Variants in PRKN observed in about 807,000 individuals in gnomAD.
PRKN encodes the protein E3 ubiquitin-protein ligase parkin.
PRKN carries 56 observed loss-of-function variants against 59.5 expected under a neutral mutation model. That is an observed-to-expected ratio of 0.94 (90% CI 0.76 to 1.18). The LOEUF (loss-of-function observed/expected upper bound fraction) is 1.18. PRKN is among the 50% of genes most tolerant of loss of function. The pLI is 0.00. For synonymous variants in PRKN, 250 were observed against 222.1 expected, an observed-to-expected ratio of 1.13 and a Z score of -1.12; for missense variants, 657 against 596.4, an observed-to-expected ratio of 1.10 and a Z score of -1.06.
chr6:161,744,387 A>G (rs1467656609), intron 7 of PRKN, among the ~76,000 whole-genome samples: 1 of 152,124 alleles, frequency 6.6e-6, no homozygotes, highest in Non-Finnish European at 1.5e-5. Flanking sequence ...CACATGGCAC[A>G]GAGAAGCAAC....
rs569796865 is a variant in PRKN, at chr6:162,715,814, C to T, written c.7+11848G>A. On this transcript the variant is annotated intron_variant, in intron 1 of 11. Transcript: ENST00000366898. ...CGTCAACTACTCATCCTTCCCAACACAGCCTCTGCTAACAAGCCTGCCATC... is the reference window on the plus strand; with the variant it reads ...CGTCAACTACTCATCCTTCCCAACATAGCCTCTGCTAACAAGCCTGCCATC... Among the ~76,000 whole-genome samples the T allele has an allele frequency of 7.2e-5, 11 of 152,320 alleles. No individual in the cohort carries two copies. In the East Asian group the frequency reaches 1.9e-3, roughly 27 times the overall value.
At position 162,692,871 on chromosome 6, in the gene PRKN, G is replaced by A. The variant is rs1485962302; in HGVS notation, c.7+34791C>T. 1.9e-4 allele frequency among the ~76,000 whole-genome samples: 29 copies of A among 151,940 alleles called. 1 individual carries two copies. Among genetic ancestry groups the A allele is most frequent in the Admixed American group, 1.9e-3 (29 of 15,254 alleles). ...CCTTTCAGCAAATCACTGAACCCGA[G>A]AGACAAACTAGATTCTTCCCATTGG... On this transcript the variant is annotated intron_variant, in intron 1 of 11. Coordinates refer to ENST00000366898, the MANE Select transcript of PRKN (RefSeq NM_004562.3).
intron 9 of PRKN, among the ~76,000 whole-genome samples, chr6:161,453,588 A>G: frequency 6.6e-6 from 1 of 152,178 alleles, no homozygotes. Context: ...AGATTACAAC[A>G]TCAGCTCCTG....
At position 161,362,962 on chromosome 6, in the gene PRKN, C is replaced by A. The variant is rs1342389074; in HGVS notation, c.1168-2757G>T. Among the ~76,000 whole-genome samples the A allele has an allele frequency of 2.0e-5, 3 of 152,188 alleles. No individual in the cohort carries two copies. The highest frequency in any genetic ancestry group is 4.4e-5 in the Non-Finnish European group (3 of 68,044). ...GGAATGGCCAGAGACAGAGTACTGG[C>A]CAGGCATGGTGGCTCACACCTGTAA... On this transcript the variant is annotated intron_variant, in intron 10 of 11. Coordinates refer to ENST00000366898, the MANE Select transcript of PRKN (RefSeq NM_004562.3). The surrounding 1 kb of genome is among the most constrained non-coding windows in gnomAD (Gnocchi z 5.2).
Position 161,566,779 on chromosome 6 carries a change from T to A in PRKN, c.933+2576A>T, listed in dbSNP as rs1385847659. Among the ~76,000 whole-genome samples, 1 of 152,024 alleles carries A rather than the reference T, an allele frequency of 6.6e-6. No individual in the cohort carries two copies. The highest frequency in any genetic ancestry group is 1.5e-5 in the Non-Finnish European group (1 of 67,972). On this transcript the variant is annotated intron_variant, in intron 8 of 11. Transcript: ENST00000366898. This position sits in a 1 kb window ranked among gnomAD's most constrained non-coding sequence, Gnocchi z 4.1. ...TCCTCTTTGTTTTGCTCTGTCCTCC[T>A]CCCCTCCCCTCCACCAGTCACACTT...
chr6:162,262,831 A>G, intron 2 of PRKN, 66 bp from the exon 3 acceptor site: 2 of 1,582,148 alleles, frequency 1.3e-6, no homozygotes, highest in South Asian at 1.1e-5. Flanking sequence ...AATGCGAGAT[A>G]GAGTTTAACT....
chr6:162,169,003 T>G (rs1783127547), intron 4 of PRKN, among the ~76,000 whole-genome samples: 2 of 152,204 alleles, frequency 1.3e-5, no homozygotes. Context: ...TTCCTAAATT[T>G]TATATCCTGC....
intron 1 of PRKN, among the ~76,000 whole-genome samples, chr6:162,712,237 G>A (rs180986638): frequency 6.6e-6 from 1 of 152,208 alleles, no homozygotes; most frequent in Non-Finnish European, 1.5e-5. Context: ...AGACTGCATT[G>A]TCCTGACTGC....
intron 1 of PRKN, among the ~76,000 whole-genome samples, chr6:162,540,910 A>T (rs59890627): frequency 0.087 from 13,230 of 152,114 alleles, 725 homozygotes; most frequent in South Asian, 0.18. Context: ...ACAGAAAACA[A>T]TCTCTAAAGT....
intron 1 of PRKN, among the ~76,000 whole-genome samples, chr6:162,665,981 G>A (rs1425605677): frequency 5.3e-5 from 8 of 152,010 alleles, no homozygotes; most frequent in African/African-American, 7.2e-5. Flanking sequence ...CGACATATGC[G>A]GAAAACTGAA....
At chr6:162,529,104 C>T (rs190558913) in intron 1 of PRKN, among the ~76,000 whole-genome samples, 16 of 152,220 alleles carry the variant, frequency 1.1e-4, no homozygotes, top group African/African-American at 3.9e-4. Context: ...GAATTCCTGT[C>T]CTCAAGCAAT....
At chr6:162,100,254 C>T (rs1779912315) in intron 4 of PRKN, among the ~76,000 whole-genome samples, 1 of 152,070 alleles carries the variant, frequency 6.6e-6, no homozygotes, top group Admixed American at 6.6e-5. Flanking sequence ...TGCAGACATC[C>T]CTTGACATGC....
intron 7 of PRKN, among the ~76,000 whole-genome samples, chr6:161,607,970 C>G (rs900406580): frequency 6.6e-6 from 1 of 152,160 alleles, no homozygotes; most frequent in Admixed American, 6.5e-5. Context: ...CTTCAACATT[C>G]TGAAAGAAAA....
At chr6:161,472,351 A>G (rs532720369) in intron 9 of PRKN, among the ~76,000 whole-genome samples, 2 of 152,302 alleles carry the variant, frequency 1.3e-5, no homozygotes, top group South Asian at 4.2e-4. Context: ...TCAGCTTGAA[A>G]AGAAAAATGG....
In PRKN at chr6:161,932,757, T is replaced by C. The variant is rs563279491; in HGVS notation, c.734+40545A>G. Among the ~76,000 whole-genome samples, 10 of 152,296 alleles carry C rather than the reference T, an allele frequency of 6.6e-5. 1 individual carries two copies. In the South Asian group the frequency reaches 1.0e-3, roughly 16 times the overall value. ...AAGTATCTTGCTGAAATAGCAATTA[T>C]AGTTATATAGATGGTTACAACTATA... On this transcript the variant is annotated intron_variant, in intron 6 of 11. Coordinates refer to ENST00000366898, the MANE Select transcript of PRKN (RefSeq NM_004562.3).
At position 161,388,904 on chromosome 6, in the gene PRKN, C is replaced by T. The variant is rs1027294056; in HGVS notation, c.1084-2027G>A. On this transcript the variant is annotated intron_variant, in intron 9 of 11. Transcript: ENST00000366898. The surrounding 1 kb of genome is among the most constrained non-coding windows in gnomAD (Gnocchi z 4.3). ...CAAGTAGACTGTTGTTATTTGAAAT[C>T]ATTAAAGTTTAGGGTGGTTTTTACA... 3.9e-5 allele frequency among the ~76,000 whole-genome samples: 6 copies of T among 152,164 alleles called. No homozygotes were observed. Among genetic ancestry groups the T allele is most frequent in the African/African-American group, 1.4e-4 (6 of 41,438 alleles).
chr6:161,692,921 C>A (rs1472461879), intron 7 of PRKN, among the ~76,000 whole-genome samples: 1 of 145,542 alleles, frequency 6.9e-6, no homozygotes, highest in African/African-American at 2.6e-5. Context: ...GCACTCTAAC[C>A]TGGGCAACAG....
intron 9 of PRKN, among the ~76,000 whole-genome samples, chr6:161,439,936 T>TTTTTG (rs1420816547): frequency 1.1e-4 from 16 of 146,890 alleles, no homozygotes; most frequent in Non-Finnish European, 2.1e-4. Flanking sequence ...GTTTTTTTGT[T>TTTTTG]TTTTGTTTTG....
intron 1 of PRKN, among the ~76,000 whole-genome samples, chr6:162,705,731 T>G (rs1481746972): frequency 6.6e-6 from 1 of 152,208 alleles, no homozygotes; most frequent in Admixed American, 6.5e-5. Flanking sequence ...GAATTCAGGT[T>G]CAATTTTTAA....
Sources: gnomAD v4.1 joint callset for allele counts (sites outside exome capture counted in the v4.1 genomes callset) on GRCh38, gnomAD v4.1.1 for gene constraint, Gnocchi (gnomAD v3.1) non-coding constraint, MANE v1.5 for transcripts, NCBI Gene and HGNC (gene_info 2026-07-23, HGNC 2026-07-21) for gene names.